The following GRM7 variants were observed in gnomAD, a reference collection of about 807,000 sequenced individuals.
The protein encoded by GRM7 is glutamate metabotropic receptor 7, also known as metabotropic glutamate receptor 7.
GRM7 carries 35 observed loss-of-function variants against 84.5 expected under a neutral mutation model. That is an observed-to-expected ratio of 0.41 (90% CI 0.32 to 0.55). The LOEUF (loss-of-function observed/expected upper bound fraction) is 0.55. Among genes scored for constraint, GRM7 ranks in the 20% least tolerant of loss-of-function variants. The pLI is 0.19. For missense variants in GRM7, 1,003 were observed against 1,194.6 expected, an observed-to-expected ratio of 0.84 and a Z score of 2.36; for synonymous variants, 487 against 455.1, an observed-to-expected ratio of 1.07 and a Z score of -0.89.
chr3:7,468,595 T>C (rs914489367), intron 7 of GRM7, among the ~76,000 whole-genome samples: 20 of 152,288 alleles, frequency 1.3e-4, no homozygotes, highest in African/African-American at 4.6e-4. Context: ...GTTTGTCCCA[T>C]GATGATATGG....
rs190322107 is a variant in GRM7, at chr3:6,882,262, A to G, written c.519+20355A>G. ...GATTTTCTTTTGTACAAATACTCTG[A>G]GCCATGTTGCAGGGTAATTGGAAAA... On this transcript the variant is annotated intron_variant, in intron 1 of 9. Coordinates refer to ENST00000357716, the MANE Select transcript of GRM7 (RefSeq NM_000844.4). Among the ~76,000 whole-genome samples, 89 of 152,342 alleles carry G rather than the reference A, an allele frequency of 5.8e-4. 2 individuals are homozygous for G. Among genetic ancestry groups the G allele is most frequent in the Admixed American group, 5.2e-3 (80 of 15,296 alleles).
intron 9 of GRM7, among the ~76,000 whole-genome samples, chr3:7,713,987 G>A (rs918629717): frequency 6.6e-6 from 1 of 152,088 alleles, no homozygotes; most frequent in Admixed American, 6.5e-5. Context: ...AGAGCCACTT[G>A]CATCAGGCCT....
intron 8 of GRM7, among the ~76,000 whole-genome samples, chr3:7,663,755 G>A (rs1699563714): frequency 1.3e-5 from 2 of 152,154 alleles, no homozygotes; most frequent in Non-Finnish European, 1.5e-5. Flanking sequence ...TGAGAAAGAA[G>A]ACATATGCTT....
intron 1 of GRM7, among the ~76,000 whole-genome samples, chr3:7,062,229 C>CGAA (rs1697456028): frequency 6.6e-6 from 1 of 151,528 alleles, no homozygotes; most frequent in Non-Finnish European, 1.5e-5. Context: ...AAAGGAGAGA[C>CGAA]GAATGGGAGT....
intron 1 of GRM7, among the ~76,000 whole-genome samples, chr3:7,094,852 A>T (rs891002777): frequency 1.3e-5 from 2 of 152,116 alleles, no homozygotes; most frequent in African/African-American, 4.8e-5. Flanking sequence ...AGTAAATGTT[A>T]AAAAAATTAC....
intron 6 of GRM7, among the ~76,000 whole-genome samples, chr3:7,458,608 C>T (rs779482619): frequency 3.9e-5 from 6 of 151,988 alleles, no homozygotes; most frequent in Admixed American, 6.6e-5. Flanking sequence ...ATGGAAAGGG[C>T]GTGACAAGAC....
chr3:7,359,173 T>C (rs948837641), intron 4 of GRM7, among the ~76,000 whole-genome samples: 1 of 145,374 alleles, frequency 6.9e-6, no homozygotes, highest in African/African-American at 2.6e-5. Context: ...ATGTATTTTA[T>C]TTTAAAATAA....
rs1695582383 is a variant in GRM7 at position 7,188,119 on chromosome 3, T to C, written c.736+41451T>C. 6.6e-6 allele frequency among the ~76,000 whole-genome samples: 1 copy of C among 152,096 alleles called. No homozygotes were observed. The highest frequency in any genetic ancestry group is 1.5e-5 in the Non-Finnish European group (1 of 68,016). ...TGGCTATTATACTTAGCATTATACT[T>C]GGGCAGGAGGACAGAGAAGGGCTAT... On this transcript the variant is annotated intron_variant, in intron 2 of 9. Transcript: ENST00000357716. This position sits in a 1 kb window ranked among gnomAD's most constrained non-coding sequence, Gnocchi z 4.2.
intron 4 of GRM7, among the ~76,000 whole-genome samples, chr3:7,390,552 A>C (rs1014358744): frequency 1.3e-5 from 2 of 151,534 alleles, no homozygotes; most frequent in African/African-American, 4.8e-5. Context: ...ATTCTTTTTT[A>C]TTTTTCTTTT....
At chr3:7,331,069 A>G (rs1342951910) in intron 4 of GRM7, among the ~76,000 whole-genome samples, 2 of 152,186 alleles carry the variant, frequency 1.3e-5, no homozygotes, top group East Asian at 3.9e-4. Flanking sequence ...AAATCACCTT[A>G]TGTGTTACCT....
At chr3:6,871,590 A>G (rs1216533769) in intron 1 of GRM7, among the ~76,000 whole-genome samples, 2 of 151,894 alleles carry the variant, frequency 1.3e-5, no homozygotes, top group Admixed American at 6.6e-5. Flanking sequence ...TTTGAAAACC[A>G]TTAAACAGAT....
chr3:7,724,589 C>T (rs146043018), intron 9 of GRM7, among the ~76,000 whole-genome samples: 4 of 152,294 alleles, frequency 2.6e-5, no homozygotes, highest in Non-Finnish European at 4.4e-5. Flanking sequence ...AGTTTCCTCA[C>T]CACTTTGCAT....
At chr3:7,117,714 T>C (rs890034461) in intron 1 of GRM7, among the ~76,000 whole-genome samples, 1 of 152,188 alleles carries the variant, frequency 6.6e-6, no homozygotes. Context: ...GCTACCCTTA[T>C]GGGCCATGTG....
At chr3:7,087,698 G>C (rs772770558) in intron 1 of GRM7, among the ~76,000 whole-genome samples, 1 of 151,504 alleles carries the variant, frequency 6.6e-6, no homozygotes, top group African/African-American at 2.4e-5. Context: ...AGAGCTGAAA[G>C]CTCTCTAGGG....
At chr3:7,261,781 TATG>T (rs750249239) in intron 2 of GRM7, among the ~76,000 whole-genome samples, 2 of 152,182 alleles carry the variant, frequency 1.3e-5, no homozygotes, top group African/African-American at 2.4e-5. Context: ...GCAAGGCAAG[TATG>T]ATGATAACAA....
At chr3:6,901,526 A>C (rs1296039576) in intron 1 of GRM7, among the ~76,000 whole-genome samples, 1 of 139,974 alleles carries the variant, frequency 7.1e-6, no homozygotes, top group African/African-American at 2.6e-5. Flanking sequence ...GGAACCCGAT[A>C]GGTGGAGGTT....
At chr3:7,250,719 T>C (rs554312882) in intron 2 of GRM7, among the ~76,000 whole-genome samples, 1 of 152,250 alleles carries the variant, frequency 6.6e-6, no homozygotes, top group South Asian at 2.1e-4. Context: ...AGACGGGGCT[T>C]TGCCATGTTG....
At chr3:7,505,998 C>T (rs1448112358) in intron 7 of GRM7, among the ~76,000 whole-genome samples, 1 of 152,222 alleles carries the variant, frequency 6.6e-6, no homozygotes, top group Non-Finnish European at 1.5e-5. Flanking sequence ...CTCTGCTTCC[C>T]TTGTAATTAT....
chr3:7,286,632 C>A (rs1353418798), intron 2 of GRM7, among the ~76,000 whole-genome samples: 1 of 151,984 alleles, frequency 6.6e-6, no homozygotes, highest in African/African-American at 2.4e-5. Context: ...TTTTTTGTGA[C>A]CCCAAACATA....
Sources: allele counts gnomAD v4.1 joint callset (sites outside exome capture counted in the v4.1 genomes callset), GRCh38; gene constraint gnomAD v4.1.1; non-coding constraint Gnocchi (gnomAD v3.1); transcripts MANE v1.5; gene names NCBI Gene and HGNC (gene_info 2026-07-23, HGNC 2026-07-21).